COL25A1: variants seen among roughly 807,000 people sequenced by gnomAD.
The protein encoded by COL25A1 is collagen alpha-1(XXV) chain.
A neutral mutation model predicts 128.4 loss-of-function variants in COL25A1; 103 were observed. The observed-to-expected ratio is 0.80, with a 90% CI of 0.68 to 0.94. The LOEUF (loss-of-function observed/expected upper bound fraction) is 0.94. Among genes scored for constraint, COL25A1 ranks in the 40% least tolerant of loss-of-function variants. COL25A1 has a pLI of 0.00. For missense variants in COL25A1, 745 were observed against 840.0 expected (o/e 0.89, Z 1.40); for synonymous variants, 279 against 277.2 (o/e 1.01, Z -0.06).
At position 108,884,188 on chromosome 4, in the gene COL25A1, G is replaced by C; in HGVS notation, c.1010C>G (p.Pro337Arg). The C allele has an allele frequency of 6.2e-7, 1 of 1,613,588 alleles. No individual in the cohort carries two copies. The highest frequency in any genetic ancestry group is 8.5e-7 in the Non-Finnish European group (1 of 1,179,742). ...CCGTGCAGTATTTACCTTTATCCCC[G>C]GAAGTCCAGGAAGCCCAGGAAGCCC... ...EPGLPGLPGL[P>R]GIKGEPGFIG... The change falls in exon 19 of 38, where the codon CCG becomes CGG. Residue 337 changes from proline (P) to arginine (R), a missense_variant. Coordinates refer to ENST00000399132, the MANE Select transcript of COL25A1 (RefSeq NM_198721.4).
intron 23 of COL25A1, among the ~76,000 whole-genome samples, chr4:108,860,315 C>T (rs973458063): frequency 2.4e-4 from 37 of 152,162 alleles, no homozygotes; most frequent in African/African-American, 8.4e-4. Context: ...TGGCTTTGAA[C>T]TCCTGACCTC....
At chr4:109,100,951 T>C (rs1178255556) in intron 3 of COL25A1, among the ~76,000 whole-genome samples, 1 of 152,200 alleles carries the variant, frequency 6.6e-6, no homozygotes, top group Non-Finnish European at 1.5e-5. Flanking sequence ...AGGTTGGTTT[T>C]CTCTGACCAA....
intron 8 of COL25A1, among the ~76,000 whole-genome samples, chr4:108,971,516 CAAG>C (rs1472383586): frequency 2.0e-5 from 3 of 152,136 alleles, no homozygotes; most frequent in East Asian, 3.9e-4. Context: ...AACCCAATCA[CAAG>C]AAGACCAGAA....
At chr4:108,863,429 C>G in intron 20 of COL25A1, 42 bp from the exon 21 acceptor site, 1 of 1,544,226 alleles carries the variant, frequency 6.5e-7, no homozygotes, top group Non-Finnish European at 8.8e-7. Context: ...ATTCCCCCCA[C>G]CCAGGCTGGT....
intron 3 of COL25A1, among the ~76,000 whole-genome samples, chr4:109,079,053 A>G (rs549868597): frequency 6.6e-6 from 1 of 152,358 alleles, no homozygotes; most frequent in East Asian, 1.9e-4. Context: ...ATTTCTGCTG[A>G]TGCTTCTGGA....
intron 5 of COL25A1, among the ~76,000 whole-genome samples, chr4:109,011,575 T>C (rs1724468): frequency 0.51 from 77,264 of 151,640 alleles, 22,380 homozygotes; most frequent in African/African-American, 0.77. Flanking sequence ...TATGCTATTA[T>C]ATTTATTTCT....
At chr4:109,142,770 C>T (rs1399428853) in intron 3 of COL25A1, among the ~76,000 whole-genome samples, 2 of 151,834 alleles carry the variant, frequency 1.3e-5, no homozygotes, top group African/African-American at 4.8e-5. Flanking sequence ...GGTAAATCTT[C>T]CTCCATCCCT....
At chr4:108,910,283 G>A (rs1393544065) in intron 13 of COL25A1, among the ~76,000 whole-genome samples, 2 of 152,058 alleles carry the variant, frequency 1.3e-5, no homozygotes, top group East Asian at 1.9e-4. Context: ...TTATGTCCAC[G>A]TGGAAAAATT....
At chr4:109,168,700 G>C (rs146523487) in intron 3 of COL25A1, among the ~76,000 whole-genome samples, 2 of 152,194 alleles carry the variant, frequency 1.3e-5, no homozygotes, top group African/African-American at 4.8e-5. Flanking sequence ...CATGCCAAAA[G>C]TTTAATCTGG....
chr4:109,150,579 T>C (rs1771403144), intron 3 of COL25A1, among the ~76,000 whole-genome samples: 1 of 152,188 alleles, frequency 6.6e-6, no homozygotes, highest in South Asian at 2.1e-4. Flanking sequence ...AAAATAATTA[T>C]CATTAATATA....
At position 108,938,852 on chromosome 4, in the gene COL25A1, G is replaced by A. The variant is rs539063682; in HGVS notation, c.673-1009C>T. On this transcript the variant is annotated intron_variant, in intron 10 of 37. Transcript: ENST00000399132. Reference sequence around the variant, plus strand: ...AGCCTGGGTGACAGAGCGAGACTCCGTCTCAAAAAAAAAAAATCTTTTTCT... The same window carrying A: ...AGCCTGGGTGACAGAGCGAGACTCCATCTCAAAAAAAAAAAATCTTTTTCT... Among the ~76,000 whole-genome samples the A allele has an allele frequency of 3.7e-4, 55 of 149,752 alleles. No homozygotes were observed. The South Asian group carries it at 9.2e-3, about 25-fold the overall frequency.
chr4:109,091,666 A>G (rs2126009198), intron 3 of COL25A1, among the ~76,000 whole-genome samples: 1 of 152,118 alleles, frequency 6.6e-6, no homozygotes, highest in Non-Finnish European at 1.5e-5. Flanking sequence ...TTTCCAAGAC[A>G]GTTCTTCCCT....
At chr4:108,898,000 CTAAT>C (rs1333817746) in intron 15 of COL25A1, among the ~76,000 whole-genome samples, 1 of 152,020 alleles carries the variant, frequency 6.6e-6, no homozygotes, top group Non-Finnish European at 1.5e-5. Flanking sequence ...CACCCAGTGA[CTAAT>C]TAATTTCAGG....
At chr4:109,104,564 A>G (rs1766228017) in intron 3 of COL25A1, among the ~76,000 whole-genome samples, 1 of 151,104 alleles carries the variant, frequency 6.6e-6, no homozygotes, top group Non-Finnish European at 1.5e-5. Context: ...TTGCCAAAAC[A>G]TGAACTTAGT....
At chr4:109,029,931 T>C (rs1425972173) in intron 5 of COL25A1, among the ~76,000 whole-genome samples, 1 of 152,156 alleles carries the variant, frequency 6.6e-6, no homozygotes, top group Non-Finnish European at 1.5e-5. Context: ...ATCAGAGGCA[T>C]CCAGGCACCT....
In COL25A1 at chr4:109,012,832, G is replaced by A. The variant is rs148663032; in HGVS notation, c.421-2457C>T. 8.0e-3 allele frequency among the ~76,000 whole-genome samples: 1,224 copies of A among 152,296 alleles called. 10 individuals are homozygous for A. Among genetic ancestry groups the A allele is most frequent in the Non-Finnish European group, 0.012 (830 of 68,020 alleles). On this transcript the variant is annotated intron_variant, in intron 5 of 37. Coordinates refer to ENST00000399132, the MANE Select transcript of COL25A1 (RefSeq NM_198721.4). ...CTGCTCCGCAGCACCCAGTCCCATC[G>A]ACAGCCCAAGGGCTGAGGAGTGCAG...
At chr4:108,841,783 A>G (rs1199163025) in intron 30 of COL25A1, 62 bp from the exon 31 acceptor site, 17 of 1,257,824 alleles carry the variant, frequency 1.4e-5, no homozygotes, top group Non-Finnish European at 1.7e-5. Flanking sequence ...GCAAGAGTGA[A>G]TATTATATCA....
intron 3 of COL25A1, among the ~76,000 whole-genome samples, chr4:109,055,274 T>A (rs1368297255): frequency 1.3e-5 from 2 of 152,230 alleles, no homozygotes; most frequent in Non-Finnish European, 2.9e-5. Context: ...CATGAGGTCA[T>A]AAGAGCCAAA....
At chr4:108,921,518 T>C (rs1001502834) in intron 11 of COL25A1, among the ~76,000 whole-genome samples, 1 of 152,244 alleles carries the variant, frequency 6.6e-6, no homozygotes, top group Non-Finnish European at 1.5e-5. Context: ...CTTTATTCCA[T>C]GACATTTAAC....
Sources: allele counts gnomAD v4.1 joint callset (sites outside exome capture counted in the v4.1 genomes callset), GRCh38; gene constraint gnomAD v4.1.1; transcripts MANE v1.5; gene names NCBI Gene and HGNC (gene_info 2026-07-23, HGNC 2026-07-21).